Variants in BLTP1 observed in about 807,000 individuals in gnomAD.
BLTP1 encodes bridge-like lipid transfer protein family member 1.
At chr4:122,250,956 C>G in the BLTP1 span, 1 of 985,180 alleles carries the variant, frequency 1.0e-6, no homozygotes, top group Non-Finnish European at 1.2e-6. Flanking sequence ...ATATTTTTGT[C>G]AGTGTTTGCT....
chr4:122,298,639 T>TTAATTCTGTTTGGAACATTA, the BLTP1 span: 2 of 472,974 alleles, frequency 4.2e-6, no homozygotes, highest in Non-Finnish European at 5.5e-6. Flanking sequence ...AAAATTTTAC[T>TTAATTCTGTTTGGAACATTA]TACTTCTGTT....
the BLTP1 span, among the ~76,000 whole-genome samples, chr4:122,228,058 C>T: frequency 1.3e-5 from 2 of 151,736 alleles, no homozygotes; most frequent in East Asian, 1.9e-4. Context: ...GGACTACAGG[C>T]GCCCACCACC....
the BLTP1 span, chr4:122,209,328 C>T: frequency 6.2e-7 from 1 of 1,611,708 alleles, no homozygotes; most frequent in African/African-American, 1.3e-5. Context: ...CGCAACGTTA[C>T]TCAGGAAAAG....
At chr4:122,203,541 G>T in the BLTP1 span, among the ~76,000 whole-genome samples, 1 of 151,694 alleles carries the variant, frequency 6.6e-6, no homozygotes, top group African/African-American at 2.4e-5. Flanking sequence ...TTAATTCATT[G>T]TACAAATGAG....
At chr4:122,188,989 C>G in the BLTP1 span, 1 of 985,182 alleles carries the variant, frequency 1.0e-6, no homozygotes, top group South Asian at 4.7e-5. Context: ...CCTGGCCTCA[C>G]TCTTCAAGAT....
chr4:122,197,070 T>G, the BLTP1 span: 2 of 620,634 alleles, frequency 3.2e-6, no homozygotes, highest in East Asian at 6.7e-5. Context: ...TTTGAACTTT[T>G]GTTCTTAGGA....
chr4:122,154,526 C>T, the BLTP1 span: 1 of 963,938 alleles, frequency 1.0e-6, no homozygotes, highest in Non-Finnish European at 1.2e-6. Flanking sequence ...AAATTCTGTT[C>T]TCTCTTTTGC....
chr4:122,294,314 T>G, the BLTP1 span, among the ~76,000 whole-genome samples: 1 of 152,174 alleles, frequency 6.6e-6, no homozygotes, highest in African/African-American at 2.4e-5. Flanking sequence ...GGATGAGACC[T>G]CCCAACAGGG....
chr4:122,230,071 G>C, the BLTP1 span: 2 of 1,614,084 alleles, frequency 1.2e-6, no homozygotes, highest in East Asian at 4.5e-5. Flanking sequence ...AGCCTGCAGT[G>C]CTACGGAGGG....
At chr4:122,189,556 C>A in the BLTP1 span, 1 of 778,146 alleles carries the variant, frequency 1.3e-6, no homozygotes, top group Non-Finnish European at 1.6e-6. Flanking sequence ...TAAAATGATA[C>A]TTATTAGTTA....
the BLTP1 span, chr4:122,356,473 A>T: frequency 2.4e-6 from 2 of 820,644 alleles, no homozygotes; most frequent in African/African-American, 1.7e-5. Flanking sequence ...AGTGCTTAAC[A>T]AACTATCATC....
the BLTP1 span, chr4:122,225,027 T>C: frequency 1.0e-6 from 1 of 993,092 alleles, no homozygotes; most frequent in Non-Finnish European, 1.2e-6. Flanking sequence ...AAAAATCTTA[T>C]TTTTCTACTA....
At chr4:122,318,084 G>A in the BLTP1 span, 1 of 1,512,736 alleles carries the variant, frequency 6.6e-7, no homozygotes. Flanking sequence ...AAAGGAGCAA[G>A]TAAAAAATCA....
the BLTP1 span, chr4:122,169,685 A>G: frequency 1.0e-6 from 1 of 971,942 alleles, no homozygotes; most frequent in Non-Finnish European, 1.2e-6. Flanking sequence ...ATACACACAT[A>G]TCTATATACA....
the BLTP1 span, among the ~76,000 whole-genome samples, chr4:122,178,504 G>A: frequency 6.6e-6 from 1 of 152,154 alleles, no homozygotes. Flanking sequence ...GGGCATGTAC[G>A]ACAGATTCTC....
the BLTP1 span, chr4:122,210,903 G>C: frequency 6.2e-7 from 1 of 1,612,276 alleles, no homozygotes; most frequent in Non-Finnish European, 8.5e-7. Context: ...AAATGGAAGA[G>C]ACAATGCTAT....
chr4:122,288,814 T>C, the BLTP1 span: 1 of 323,812 alleles, frequency 3.1e-6, no homozygotes. Context: ...AAGTTAAATA[T>C]ATAACTTCGA....
chr4:122,310,445 A>G, the BLTP1 span, among the ~76,000 whole-genome samples: 8 of 152,118 alleles, frequency 5.3e-5, no homozygotes, highest in African/African-American at 1.9e-4. Flanking sequence ...TTCATAAGGA[A>G]ATGAAGATCC....
the BLTP1 span, chr4:122,270,887 G>T: frequency 3.2e-6 from 4 of 1,255,566 alleles, no homozygotes. Flanking sequence ...TATTTTACTG[G>T]TTTGCTTGCT....
Sources: gnomAD v4.1 joint callset for allele counts (sites outside exome capture counted in the v4.1 genomes callset) on GRCh38, gnomAD v4.1.1 for gene constraint, MANE v1.5 for transcripts, NCBI Gene and HGNC (gene_info 2026-07-23, HGNC 2026-07-21) for gene names.